Variants in CPVL observed in about 807,000 individuals in gnomAD.
CPVL encodes carboxypeptidase vitellogenic like, also known as probable serine carboxypeptidase CPVL.
Under a neutral mutation model 63.7 loss-of-function variants are expected in CPVL, and 51 were observed. The observed-to-expected ratio is 0.80, with a 90% confidence interval of 0.64 to 1.01. The LOEUF (loss-of-function observed/expected upper bound fraction) is 1.01, where lower values mean the gene tolerates loss of function less well. Among genes scored for constraint, CPVL ranks in the 50% least tolerant of loss-of-function variants. The pLI, the probability that CPVL is intolerant of heterozygous loss-of-function variation, is 0.00. For missense variants in CPVL, 530 were observed against 573.1 expected, an observed-to-expected ratio of 0.92 and a Z score of 0.77; for synonymous variants, 195 against 206.0, an observed-to-expected ratio of 0.95 and a Z score of 0.46.
intron 5 of CPVL, among the ~76,000 whole-genome samples, chr7:29,158,366 A>G (rs118169092): frequency 6.6e-6 from 1 of 152,368 alleles, no homozygotes; most frequent in East Asian, 1.9e-4. Flanking sequence ...ATTAAATCAG[A>G]TGATGTGACT....
At chr7:29,046,576 C>T (rs1250128982) in intron 11 of CPVL, among the ~76,000 whole-genome samples, 1 of 151,868 alleles carries the variant, frequency 6.6e-6, no homozygotes, top group African/African-American at 2.4e-5. Flanking sequence ...TGCACACACA[C>T]ACACACACAC....
chr7:29,109,967 C>T (rs189420399), intron 3 of CPVL, among the ~76,000 whole-genome samples: 5 of 152,316 alleles, frequency 3.3e-5, no homozygotes, highest in East Asian at 1.9e-4. Context: ...AACAGGTTTA[C>T]GGTGCCAAAG....
chr7:29,049,405 G>C (rs1789934711), intron 11 of CPVL, among the ~76,000 whole-genome samples: 1 of 151,968 alleles, frequency 6.6e-6, no homozygotes, highest in African/African-American at 2.4e-5. Context: ...ACATAAACTA[G>C]AAAACCTAGA....
intron 2 of CPVL, among the ~76,000 whole-genome samples, chr7:29,119,341 G>A (rs949422101): frequency 1.3e-5 from 2 of 152,082 alleles, no homozygotes; most frequent in African/African-American, 4.8e-5. Context: ...ATAAAAATTA[G>A]CCGGGCGTGG....
At chr7:29,041,999 G>A (rs190982140) in intron 11 of CPVL, among the ~76,000 whole-genome samples, 2 of 151,934 alleles carry the variant, frequency 1.3e-5, no homozygotes, top group East Asian at 3.9e-4. Context: ...TATTTCTATT[G>A]GACAGCACTG....
intron 4 of CPVL, among the ~76,000 whole-genome samples, chr7:29,183,081 CTTTTT>C (rs34942216): frequency 7.6e-5 from 10 of 131,882 alleles, no homozygotes; most frequent in Non-Finnish European, 9.6e-5. Context: ...ACATGGCAGA[CTTTTT>C]TTTTTTTTTT....
chr7:29,110,463 C>T (rs528048799), intron 3 of CPVL, among the ~76,000 whole-genome samples: 1 of 152,154 alleles, frequency 6.6e-6, no homozygotes, highest in Non-Finnish European at 1.5e-5. Context: ...AGGGTAGTGG[C>T]CCATAGGCTG....
At chr7:29,171,396 C>T (rs1398797615) in intron 5 of CPVL, among the ~76,000 whole-genome samples, 2 of 152,140 alleles carry the variant, frequency 1.3e-5, no homozygotes, top group South Asian at 2.1e-4. Flanking sequence ...GAATAAACAA[C>T]GGCATTAGCC....
intron 11 of CPVL, among the ~76,000 whole-genome samples, chr7:29,040,573 T>C (rs1356909234): frequency 6.6e-6 from 1 of 152,122 alleles, no homozygotes; most frequent in Non-Finnish European, 1.5e-5. Context: ...AATGAAACAG[T>C]AGTCATTTCT....
chr7:29,107,535 G>A (rs1459023431), intron 3 of CPVL, among the ~76,000 whole-genome samples: 3 of 152,170 alleles, frequency 2.0e-5, no homozygotes, highest in African/African-American at 2.4e-5. Context: ...GCCGGGAATC[G>A]CAGACTTGGA....
chr7:29,043,241 T>TG (rs1789296377), intron 11 of CPVL, among the ~76,000 whole-genome samples: 1 of 149,740 alleles, frequency 6.7e-6, no homozygotes, highest in South Asian at 2.1e-4. Context: ...TTCTTTACCT[T>TG]TTTTTTTTTT....
At chr7:29,041,323 C>T (rs895790059) in intron 11 of CPVL, among the ~76,000 whole-genome samples, 11 of 152,066 alleles carry the variant, frequency 7.2e-5, no homozygotes, top group African/African-American at 9.6e-5. Context: ...GTGATCCACC[C>T]GCCTTGGCCT....
intron 1 of CPVL, among the ~76,000 whole-genome samples, chr7:29,191,090 G>A (rs568595188): frequency 6.6e-6 from 1 of 151,876 alleles, no homozygotes; most frequent in South Asian, 2.1e-4. Flanking sequence ...TAACTACAAC[G>A]CCTGGCTAAT....
At chr7:29,010,494 T>A (rs944164620) in intron 12 of CPVL, 5 of 152,208 alleles carry the variant, frequency 3.3e-5, no homozygotes, top group African/African-American at 1.2e-4. Context: ...TTATTTCCTA[T>A]TAGGCTGTCA....
At chr7:29,158,588 G>A (rs903256540) in intron 5 of CPVL, among the ~76,000 whole-genome samples, 9 of 152,194 alleles carry the variant, frequency 5.9e-5, no homozygotes, top group South Asian at 4.2e-4. Context: ...CATCCTCTAC[G>A]AGATCTGTTT....
intron 3 of CPVL, among the ~76,000 whole-genome samples, chr7:29,103,338 C>G (rs1787395820): frequency 6.6e-6 from 1 of 151,338 alleles, no homozygotes; most frequent in Non-Finnish European, 1.5e-5. Flanking sequence ...CTCCACCTCC[C>G]AGGTTCAAGT....
At chr7:29,010,444 C>CAATG (rs1785701384) in intron 12 of CPVL, 1 of 152,004 alleles carries the variant, frequency 6.6e-6, no homozygotes, top group Admixed American at 6.6e-5. Flanking sequence ...AGAAGGGACT[C>CAATG]AATGCTTTAG....
At chr7:29,146,843 C>T (rs1226542209), upstream of CPVL, 1 of 1,551,064 alleles carries the variant, frequency 6.4e-7, no homozygotes, top group East Asian at 2.4e-5. Context: ...TATTTCTGCA[C>T]TCTAGGACTT....
At chr7:29,134,907 C>G (rs996633950) in intron 1 of CPVL, among the ~76,000 whole-genome samples, 1 of 151,896 alleles carries the variant, frequency 6.6e-6, no homozygotes, top group African/African-American at 2.4e-5. Context: ...CGAGACCAGC[C>G]TGGGCAACAT....
Sources: gnomAD v4.1 joint callset for allele counts (sites outside exome capture counted in the v4.1 genomes callset) on GRCh38, gnomAD v4.1.1 for gene constraint, MANE v1.5 for transcripts, NCBI Gene and HGNC (gene_info 2026-07-23, HGNC 2026-07-21) for gene names.